Variants in ABCC12 observed in about 807,000 individuals in gnomAD.
ABCC12 encodes the protein ATP-binding cassette sub-family C member 12.
ABCC12 carries 142 observed loss-of-function variants against 151.1 expected under a neutral mutation model. That is an observed-to-expected ratio of 0.94 (90% confidence interval 0.82 to 1.08). The LOEUF (loss-of-function observed/expected upper bound fraction) is 1.08, where lower values mean the gene tolerates loss of function less well. Ranked by LOEUF, ABCC12 falls within the 50% of genes least tolerant of loss-of-function variation. The pLI is 0.00. For missense variants in ABCC12, 1,638 were observed against 1,691.1 expected, an observed-to-expected ratio of 0.97 and a Z score of 0.55; for synonymous variants, 645 against 646.4, an observed-to-expected ratio of 1.00 and a Z score of 0.03.
Position 48,087,937 on chromosome 16 carries a change from T to A in ABCC12, c.3624A>T (p.Val1208=). The part of the protein sequence containing the change: ...TVIPQDPVLF[V]GTVRYNLDPF... The stretch of plus-strand genomic sequence containing the variant: ...TTAAAAACAGCTACCTTACTGTACC[T>A]ACAAACAGGACAGGATCCTGTGGGA... Residue 1208 remains valine, a synonymous_variant, in exon 27 of 31, where the codon GTA becomes GTT. Coordinates refer to ENST00000311303, the MANE Select transcript of ABCC12 (RefSeq NM_001393797.1). 1.9e-6 allele frequency: 3 copies of A among 1,612,958 alleles called. No homozygotes were observed. Among genetic ancestry groups the A allele is most frequent in the Admixed American group, 3.3e-5 (2 of 59,838 alleles).
At chr16:48,098,927 T>C (rs1963206559) in intron 23 of ABCC12, among the ~76,000 whole-genome samples, 1 of 152,186 alleles carries the variant, frequency 6.6e-6, no homozygotes, top group Non-Finnish European at 1.5e-5. Context: ...AATGGCTCCA[T>C]GGGCTTTCCT....
At chr16:48,084,105 C>T (rs762029649) in intron 29 of ABCC12, 32 bp from the exon 30 acceptor site, 64 of 1,569,166 alleles carry the variant, frequency 4.1e-5, no homozygotes, top group Non-Finnish European at 3.8e-5. Context: ...AAGCCAAAGG[C>T]GCACTGAGAG....
chr16:48,116,151 C>CA (rs1963876946), intron 14 of ABCC12, among the ~76,000 whole-genome samples: 2 of 152,182 alleles, frequency 1.3e-5, no homozygotes, highest in Admixed American at 6.5e-5. Context: ...TGGCACCATG[C>CA]TGGGCACAGA....
chr16:48,145,267 C>T (rs1053904978), intron 3 of ABCC12, among the ~76,000 whole-genome samples: 1 of 152,160 alleles, frequency 6.6e-6, no homozygotes, highest in African/African-American at 2.4e-5. Flanking sequence ...TGCCACTTGG[C>T]CTTCTGCTGC....
rs1596632625 is a variant in ABCC12, at chr16:48,146,587, T to A, written c.-50-113A>T. On this transcript the variant is annotated intron_variant, in intron 2 of 30. Coordinates refer to ENST00000311303, the MANE Select transcript of ABCC12 (RefSeq NM_001393797.1). Reference sequence around the variant, plus strand: ...TTGCTTTGACCCCTGAGAACTGTTTTCACCAATGAGCTTTCCACATTTGTA... The same window carrying A: ...TTGCTTTGACCCCTGAGAACTGTTTACACCAATGAGCTTTCCACATTTGTA... The A allele has an allele frequency of 6.5e-6, 4 of 613,170 alleles. No individual in the cohort carries two copies. The East Asian group carries it at 1.1e-4, about 17-fold the overall frequency. 38.0% of individuals were successfully genotyped at this position (613,170 alleles called of 1,614,324 possible). A position where few individuals can be genotyped will look rare whatever the true frequency, so the allele number is the denominator to read the frequency against.
chr16:48,119,351 A>C (rs1387908364), intron 13 of ABCC12, among the ~76,000 whole-genome samples: 1 of 152,224 alleles, frequency 6.6e-6, no homozygotes, highest in African/African-American at 2.4e-5. Flanking sequence ...TTAAGGGCAA[A>C]GATACACCTG....
intron 2 of ABCC12, among the ~76,000 whole-genome samples, chr16:48,147,842 C>A (rs748679320): frequency 1.3e-5 from 2 of 152,170 alleles, no homozygotes; most frequent in Non-Finnish European, 2.9e-5. Flanking sequence ...AATCCCCCAA[C>A]GTGGAAACTG....
At chr16:48,089,449 A>AC (rs1266116782) in intron 25 of ABCC12, among the ~76,000 whole-genome samples, 1 of 152,192 alleles carries the variant, frequency 6.6e-6, no homozygotes, top group Non-Finnish European at 1.5e-5. Context: ...GAAAAAAAAA[A>AC]CATTTAAGTC....
Position 48,091,152 on chromosome 16 carries a change from T to A in ABCC12, c.3253A>T (p.Thr1085Ser). 1 of 1,614,074 alleles carries A rather than the reference T, an allele frequency of 6.2e-7. No homozygotes were observed. Among genetic ancestry groups the A allele is most frequent in the Non-Finnish European group, 8.5e-7 (1 of 1,180,018 alleles). Residue 1085 changes from threonine to serine, a missense_variant, in exon 25 of 31, where the codon ACC becomes TCC. By Grantham distance (58) the Thr-to-Ser change is moderately conservative. Transcript: ENST00000311303. ...TATTCCCTGAGCAGCTCCACGGAGG[T>A]GAATTTGGCTTGCGTCTCTGTTCCC... is the stretch of plus-strand genomic sequence containing the variant. ...RTGTETQAKF[T>S]SVELLREYIS...
intron 22 of ABCC12, among the ~76,000 whole-genome samples, chr16:48,103,028 T>C (rs1394129429): frequency 6.6e-6 from 1 of 152,244 alleles, no homozygotes; most frequent in African/African-American, 2.4e-5. Flanking sequence ...CTCTATAGTC[T>C]GCCCTGACCT....
Position 48,129,362 on chromosome 16 carries a change from G to T in ABCC12, c.1237-625C>A, listed in dbSNP as rs1180294557. ...CGAGGTCCATGCACTTGGTGCTAGA[G>T]CTGGGTCTGTACAGGTGTTGTACAG... is the stretch of plus-strand genomic sequence containing the variant. On this transcript the variant is annotated intron_variant, in intron 10 of 30. Transcript: ENST00000311303. Among the ~76,000 whole-genome samples the T allele has an allele frequency of 7.8e-4, 119 of 152,342 alleles. 1 individual carries two copies. Among genetic ancestry groups the T allele is most frequent in the Non-Finnish European group, 1.5e-4 (10 of 68,038 alleles).
chr16:48,149,263 AG>A (rs369082551), intron 2 of ABCC12, among the ~76,000 whole-genome samples: 3,698 of 146,280 alleles, frequency 0.025, 165 homozygotes, highest in African/African-American at 0.092. Flanking sequence ...AAAAAAAAAA[AG>A]GTAGGCAAGG....
rs189875737 is a variant in ABCC12 at position 48,082,218 on chromosome 16, G to A, written c.*1497C>T. On this transcript the variant is annotated 3_prime_UTR_variant, in exon 31 of 31. Transcript: ENST00000311303. Reference sequence around the variant, plus strand: ...CTTAGTGCACCCTCTGCTGAGGGCAGGATCCATTGCTGCCAAGCTGCTGGG... The same window carrying A: ...CTTAGTGCACCCTCTGCTGAGGGCAAGATCCATTGCTGCCAAGCTGCTGGG... Among the ~76,000 whole-genome samples, 1 of 152,350 alleles carries A rather than the reference G, an allele frequency of 6.6e-6. No homozygotes were observed. The highest frequency in any genetic ancestry group is 1.9e-4 in the East Asian group (1 of 5,178).
At chr16:48,139,113 G>T in intron 7 of ABCC12, 50 bp downstream of exon 7, 1 of 1,523,220 alleles carries the variant, frequency 6.6e-7, no homozygotes, top group Non-Finnish European at 8.8e-7. Flanking sequence ...CAGTGAAAGT[G>T]TGTGAAATGC....
At chr16:48,120,324 G>A (rs546161616) in intron 13 of ABCC12, among the ~76,000 whole-genome samples, 1 of 152,280 alleles carries the variant, frequency 6.6e-6, no homozygotes, top group Admixed American at 6.5e-5. Context: ...CAAAAGGATG[G>A]AGGATGAGAG....
intron 10 of ABCC12, among the ~76,000 whole-genome samples, chr16:48,130,360 G>C (rs1472579274): frequency 1.3e-5 from 2 of 152,176 alleles, no homozygotes; most frequent in Non-Finnish European, 2.9e-5. Flanking sequence ...TCTTTGATGA[G>C]TGAATAAATG....
Position 48,143,775 on chromosome 16 carries a change from T to G in ABCC12, c.275+135A>C, listed in dbSNP as rs1964901823. ...ACTCCTCCTTCACCTTCCACCATGATTGTGAGGCCTCCCCAGTCACATGGA... is the reference window on the plus strand; with the variant it reads ...ACTCCTCCTTCACCTTCCACCATGAGTGTGAGGCCTCCCCAGTCACATGGA... On this transcript the variant is annotated intron_variant, in intron 4 of 30. Coordinates refer to ENST00000311303, the MANE Select transcript of ABCC12 (RefSeq NM_001393797.1). 11 of 1,158,302 alleles carry G rather than the reference T, an allele frequency of 9.5e-6. No individual in the cohort carries two copies. In the South Asian group the frequency reaches 1.6e-4, roughly 17 times the overall value. The allele number at this position is 1,158,302 out of a possible 1,614,324, so 71.8% of individuals were successfully genotyped here.
rs1342187716 is a variant in ABCC12, at chr16:48,091,207, C to CA, written c.3197dup (p.Ser1067GlufsTer34). 1 of 1,613,948 alleles carries CA rather than the reference C, an allele frequency of 6.2e-7. No homozygotes were observed. The highest frequency in any genetic ancestry group is 8.5e-7 in the Non-Finnish European group (1 of 1,179,964). ...GCACACACACTTGGAGCAGTCCGCTCAGCTGTTGAAAAGGAGCGAGCAGCC... is the reference window on the plus strand; with the variant it reads ...GCACACACACTTGGAGCAGTCCGCTCAAGCTGTTGAAAAGGAGCGAGCAGCC... On this transcript the variant is annotated frameshift_variant and splice_region_variant, in exon 25 of 31. Coordinates refer to ENST00000311303, the MANE Select transcript of ABCC12 (RefSeq NM_001393797.1). LOFTEE classifies it high-confidence loss of function.
At chr16:48,086,657 G>T in intron 28 of ABCC12, 84 bp downstream of exon 28, 1 of 1,211,644 alleles carries the variant, frequency 8.3e-7, no homozygotes, top group Non-Finnish European at 1.2e-6. Context: ...TGGCCTAGGT[G>T]CTTGTCAAAT....
Sources: allele counts gnomAD v4.1 joint callset (sites outside exome capture counted in the v4.1 genomes callset), GRCh38; gene constraint gnomAD v4.1.1; transcripts MANE v1.5; gene names NCBI Gene and HGNC (gene_info 2026-07-23, HGNC 2026-07-21).